The following MAP3K15 variants were observed in gnomAD, a reference collection of about 807,000 sequenced individuals.
The protein encoded by MAP3K15 is mitogen-activated protein kinase kinase kinase 15.
Under a neutral mutation model 99.5 loss-of-function variants are expected in MAP3K15, and 124 were observed. The ratio of observed to expected loss-of-function variants is 1.25; its 90% CI spans 1.08 to 1.45. MAP3K15 has a LOEUF of 1.45. MAP3K15 is among the 40% of genes most tolerant of loss of function. MAP3K15 has a pLI of 0.00. For missense variants in MAP3K15, 1,242 were observed against 1,079.7 expected (o/e 1.15, Z -2.11); for synonymous variants, 494 against 439.6 (o/e 1.12, Z -1.55).
chrX:19,499,471 A>G (rs2064427624), intron 1 of MAP3K15, among the ~76,000 whole-genome samples: 1 of 112,779 alleles, frequency 8.9e-6, no homozygotes, highest in African/African-American at 3.2e-5. Flanking sequence ...AAAAAGTCAC[A>G]AAGACTTGCA....
rs1333723623 is a variant in MAP3K15, at chrX:19,391,982, C to T, written c.2431+20G>A. 8.7e-7 allele frequency: 1 copy of T among 1,149,485 alleles called. No individual in the cohort carries two copies. Among genetic ancestry groups the T allele is most frequent in the Admixed American group, 2.2e-5 (1 of 45,477 alleles). The allele number at this position is 1,149,485 out of a possible 1,213,427, so 94.7% of individuals were successfully genotyped here. A position where few individuals can be genotyped will look rare whatever the true frequency, so the allele number is the denominator to read the frequency against. On this transcript the variant is annotated intron_variant, in intron 18 of 28. Transcript: ENST00000338883. The stretch of plus-strand genomic sequence containing the variant: ...GTAACTCTGGGATGGGCACCCTGTG[C>T]CAAGCTTTGGTCCACTTACCAGTAA...
At chrX:19,451,049 G>A (rs780271862) in intron 6 of MAP3K15, among the ~76,000 whole-genome samples, 1 of 109,002 alleles carries the variant, frequency 9.2e-6, no homozygotes, top group Non-Finnish European at 1.9e-5. Context: ...ACTTTGGGAA[G>A]CCGAGGCAGG....
At chrX:19,436,192 A>G (rs1041389038) in intron 6 of MAP3K15, among the ~76,000 whole-genome samples, 5 of 109,932 alleles carry the variant, frequency 4.5e-5, no homozygotes, top group African/African-American at 1.3e-4. Context: ...AAAAAATTCA[A>G]TCACCTAGGA....
intron 6 of MAP3K15, among the ~76,000 whole-genome samples, chrX:19,434,850 C>T (rs762897177): frequency 8.9e-6 from 1 of 111,903 alleles, no homozygotes; most frequent in African/African-American, 3.2e-5. Context: ...CTAATCTAGA[C>T]ACTTGGCGAC....
chrX:19,391,347 C>T (rs1569207918), intron 18 of MAP3K15, among the ~76,000 whole-genome samples: 1 of 111,399 alleles, frequency 9.0e-6, no homozygotes, highest in Non-Finnish European at 1.9e-5. Flanking sequence ...AGATGTGCTG[C>T]CATCTTGCTG....
At chrX:19,494,266 G>C (rs1374265477) in intron 1 of MAP3K15, among the ~76,000 whole-genome samples, 1 of 111,097 alleles carries the variant, frequency 9.0e-6, no homozygotes, top group Admixed American at 9.6e-5. Context: ...TTCAAGTCCA[G>C]TCTGGGCAAC....
chrX:19,372,675 T>G lies in MAP3K15; in HGVS notation c.3086A>C (p.Asn1029Thr). 8.3e-7 allele frequency: 1 copy of G among 1,210,013 alleles called. No homozygotes were observed. The highest frequency in any genetic ancestry group is 1.1e-6 in the Non-Finnish European group (1 of 894,545). The change falls in exon 22 of 29, where the codon AAC becomes ACC. Residue 1029 changes from asparagine (N) to threonine (T), a missense_variant. Physicochemically the swap from Asn to Thr is moderately conservative, Grantham distance 65 (BLOSUM62 0). Coordinates refer to ENST00000338883, the MANE Select transcript of MAP3K15 (RefSeq NM_001001671.4). ...TACCTGGGCCACACACTCCTGCAGG[T>G]TGGAAGCCACCTGGTTCTGCTCCTC... The part of the protein sequence containing the change: ...LWEEQNQVAS[N>T]LQECVAQSSE...
intron 7 of MAP3K15, among the ~76,000 whole-genome samples, chrX:19,428,704 C>T (rs183979307): frequency 4.5e-5 from 5 of 111,912 alleles, no homozygotes; most frequent in Admixed American, 9.5e-5. Flanking sequence ...TGGTGGCTCA[C>T]GCCTGTAATA....
At position 19,380,216 on chromosome X, in the gene MAP3K15, T is replaced by G; in HGVS notation, c.2493A>C (p.Pro831=). ...TGCAGCCCAGGGACCAGATATCGGC[T>G]GGGGCACCATATCCGCGAGGCCCTT... ...IDQGPRGYGA[P]ADIWSLGCTI... The change falls in exon 19 of 29, where the codon CCA becomes CCC. Residue 831 remains proline, a synonymous_variant. Transcript: ENST00000338883. The G allele has an allele frequency of 8.3e-7, 1 of 1,204,452 alleles. No individual in the cohort carries two copies. The highest frequency in any genetic ancestry group is 1.1e-6 in the Non-Finnish European group (1 of 892,278).
At chrX:19,455,016 C>T (rs112060077) in intron 6 of MAP3K15, among the ~76,000 whole-genome samples, 145 of 111,961 alleles carry the variant, frequency 1.3e-3, no homozygotes, top group Admixed American at 3.1e-3. Flanking sequence ...GGCTGGCCAA[C>T]TTAAGCCTAA....
chrX:19,423,643 G>A (rs1032712559), intron 9 of MAP3K15, among the ~76,000 whole-genome samples: 2 of 111,918 alleles, frequency 1.8e-5, no homozygotes, highest in Non-Finnish European at 3.8e-5. Context: ...CACTCAGCAG[G>A]CCTGTGTTGT....
chrX:19,456,949 T>C lies in MAP3K15; in HGVS notation c.959A>G (p.His320Arg), dbSNP rs1388223026. 8.3e-7 allele frequency: 1 copy of C among 1,197,658 alleles called. No homozygotes were observed. Among genetic ancestry groups the C allele is most frequent in the African/African-American group, 1.7e-5 (1 of 57,291 alleles). The change falls in exon 6 of 29, where the codon CAT becomes CGT. Residue 320 changes from histidine to arginine, a missense_variant. Coordinates refer to ENST00000338883, the MANE Select transcript of MAP3K15 (RefSeq NM_001001671.4). ...MLPTCDLADQ[H>R]NIKFHYAFAL... The stretch of plus-strand genomic sequence containing the variant: ...AAACGCATAGTGGAATTTAATGTTA[T>C]GCTGATCGGCCAAATCACACGTAGG...
chrX:19,395,520 C>A (rs1448193448), intron 15 of MAP3K15, among the ~76,000 whole-genome samples: 1 of 111,187 alleles, frequency 9.0e-6, no homozygotes, highest in Admixed American at 9.6e-5. Context: ...ACCCACCAAC[C>A]ATTCTTTACC....
intron 1 of MAP3K15, among the ~76,000 whole-genome samples, chrX:19,493,346 C>CAAAA (rs755083263): frequency 3.9e-4 from 19 of 49,169 alleles, no homozygotes; most frequent in African/African-American, 1.4e-3. Context: ...TACTGCTACT[C>CAAAA]AAAAAAAAAA....
chrX:19,432,623 A>G (rs1242444199), intron 6 of MAP3K15, among the ~76,000 whole-genome samples: 1 of 110,377 alleles, frequency 9.1e-6, no homozygotes, highest in Non-Finnish European at 1.9e-5. Flanking sequence ...CTGACAGAAA[A>G]ACTGTTAATT....
At position 19,449,834 on chromosome X, in the gene MAP3K15, T is replaced by C. The variant is rs149116800; in HGVS notation, c.995+7079A>G. Among the ~76,000 whole-genome samples the C allele has an allele frequency of 6.3e-4, 69 of 109,692 alleles. No individual in the cohort carries two copies. In the East Asian group the frequency reaches 0.018, roughly 28 times the overall value. On this transcript the variant is annotated intron_variant, in intron 6 of 28. Transcript: ENST00000338883. ...ATAAATTTCTCTTAAGAATTTTTTTTCAGAGCCAAAGGTATGTTATTTTAA... is the reference window on the plus strand; with the variant it reads ...ATAAATTTCTCTTAAGAATTTTTTTCCAGAGCCAAAGGTATGTTATTTTAA...
At chrX:19,460,409 A>T (rs1035336475) in intron 4 of MAP3K15, among the ~76,000 whole-genome samples, 4 of 112,364 alleles carry the variant, frequency 3.6e-5, no homozygotes, top group Non-Finnish European at 7.5e-5. Context: ...GTACTTGGAC[A>T]ACACACAGAA....
chrX:19,401,119 C>T (rs1287058817), intron 13 of MAP3K15, among the ~76,000 whole-genome samples: 3 of 111,500 alleles, frequency 2.7e-5, no homozygotes, highest in African/African-American at 6.5e-5. Context: ...CCTTTCTGTC[C>T]CATCACTGTT....
At chrX:19,443,432 C>A (rs2063974357) in intron 6 of MAP3K15, among the ~76,000 whole-genome samples, 1 of 111,824 alleles carries the variant, frequency 8.9e-6, no homozygotes, top group African/African-American at 3.2e-5. Flanking sequence ...GCCCCTGCCC[C>A]CTCAGGCTTA....
Sources: allele counts gnomAD v4.1 joint callset (sites outside exome capture counted in the v4.1 genomes callset), GRCh38; gene constraint gnomAD v4.1.1; transcripts MANE v1.5; gene names NCBI Gene and HGNC (gene_info 2026-07-23, HGNC 2026-07-21).